ATXN7L1: variants seen among roughly 807,000 people sequenced by gnomAD.
The protein encoded by ATXN7L1 is ataxin-7-like protein 1.
ATXN7L1 carries 15 observed loss-of-function variants against 70.8 expected under a neutral mutation model. The ratio of observed to expected loss-of-function variants is 0.21; its 90% CI spans 0.14 to 0.33. The LOEUF (loss-of-function observed/expected upper bound fraction) is 0.33. ATXN7L1 is among the 10% of genes least tolerant of loss of function. ATXN7L1 has a pLI of 1.00. For synonymous variants in ATXN7L1, 440 were observed against 445.1 expected (o/e 0.99, Z 0.14); for missense variants, 975 against 1,097.1 (o/e 0.89, Z 1.57).
intron 3 of ATXN7L1, among the ~76,000 whole-genome samples, chr7:105,667,022 C>T (rs1802711206): frequency 6.6e-6 from 1 of 152,240 alleles, no homozygotes; most frequent in Admixed American, 6.5e-5. Flanking sequence ...ATACTTACAC[C>T]TGTTCCTTCC....
At chr7:105,841,195 C>G (rs1813158803) in intron 2 of ATXN7L1, among the ~76,000 whole-genome samples, 1 of 152,196 alleles carries the variant, frequency 6.6e-6, no homozygotes, top group African/African-American at 2.4e-5. Context: ...GGGTCAGGCA[C>G]TCCTAGAAGG....
rs683677 is a variant in ATXN7L1, at chr7:105,754,534, C to T, written c.355+34070G>A. Among the ~76,000 whole-genome samples the T allele has an allele frequency of 9.2e-3, 1,396 of 152,222 alleles. 30 individuals are homozygous for T. Among genetic ancestry groups the T allele is most frequent in the African/African-American group, 0.031 (1,283 of 41,520 alleles). On this transcript the variant is annotated intron_variant, in intron 3 of 11. Coordinates refer to ENST00000419735, the MANE Select transcript of ATXN7L1 (RefSeq NM_020725.2). ...GTGAGCGTAGCTGCCTTCCATAGCTCATCGCAGTCTCAAATTCCTGGGCTC... is the reference window on the plus strand; with the variant it reads ...GTGAGCGTAGCTGCCTTCCATAGCTTATCGCAGTCTCAAATTCCTGGGCTC...
intron 8 of ATXN7L1, among the ~76,000 whole-genome samples, chr7:105,622,283 G>GACAAAT: frequency 6.6e-6 from 1 of 152,338 alleles, no homozygotes; most frequent in Non-Finnish European, 1.5e-5. Flanking sequence ...GTTGTCATCT[G>GACAAAT]GACAAATGTC....
intron 7 of ATXN7L1, 143 bp downstream of exon 7, chr7:105,638,210 C>T (rs1797667579): frequency 4.2e-6 from 5 of 1,180,162 alleles, no homozygotes; most frequent in Non-Finnish European, 5.8e-6. Context: ...TGTACATTAT[C>T]TCATTTAAAC....
chr7:105,648,480 G>C (rs1799392641), intron 4 of ATXN7L1, among the ~76,000 whole-genome samples: 1 of 152,222 alleles, frequency 6.6e-6, no homozygotes, highest in Non-Finnish European at 1.5e-5. Context: ...GTCCTGAACT[G>C]AGAAAGCAAA....
intron 3 of ATXN7L1, among the ~76,000 whole-genome samples, chr7:105,684,830 T>C (rs1805962096): frequency 6.6e-6 from 1 of 152,218 alleles, no homozygotes; most frequent in Admixed American, 6.5e-5. Flanking sequence ...TCTTGAGATA[T>C]GGTTGTACCG....
intron 3 of ATXN7L1, among the ~76,000 whole-genome samples, chr7:105,742,327 C>A (rs999140268): frequency 3.9e-5 from 6 of 152,214 alleles, no homozygotes; most frequent in African/African-American, 1.4e-4. Context: ...TGCATCGGAG[C>A]AATAACCAGT....
At chr7:105,803,423 G>A (rs1807109115) in intron 2 of ATXN7L1, among the ~76,000 whole-genome samples, 1 of 152,224 alleles carries the variant, frequency 6.6e-6, no homozygotes, top group Admixed American at 6.5e-5. Flanking sequence ...CTAGTGGAGG[G>A]ACGGCTCCAG....
chr7:105,607,429 A>G lies in ATXN7L1; in HGVS notation c.*423T>C, dbSNP rs1792806326. On this transcript the variant is annotated 3_prime_UTR_variant, in exon 12 of 12. Coordinates refer to ENST00000419735, the MANE Select transcript of ATXN7L1 (RefSeq NM_020725.2). ...TAGGGATGGAAGGAATCGGGTGGAG[A>G]TGACAGGAAGAAAAAGGGCTCTGCC... 4 of 181,820 alleles carry G rather than the reference A, an allele frequency of 2.2e-5. 1 individual carries two copies. In the South Asian group the frequency reaches 5.2e-4, roughly 24 times the overall value. 11.3% of individuals were successfully genotyped at this position (181,820 alleles called of 1,614,324 possible). A position where few individuals can be genotyped will look rare whatever the true frequency, so the allele number is the denominator to read the frequency against.
intron 2 of ATXN7L1, among the ~76,000 whole-genome samples, chr7:105,846,577 G>A (rs1161816457): frequency 6.6e-6 from 1 of 152,170 alleles, no homozygotes; most frequent in African/African-American, 2.4e-5. Context: ...AAAAAATTAA[G>A]CATGGAGTTA....
intron 3 of ATXN7L1, among the ~76,000 whole-genome samples, chr7:105,763,266 C>T (rs180812916): frequency 1.3e-5 from 2 of 152,338 alleles, no homozygotes; most frequent in African/African-American, 4.8e-5. Flanking sequence ...TTGAGGATGT[C>T]TGGTATCCCT....
intron 3 of ATXN7L1, among the ~76,000 whole-genome samples, chr7:105,692,395 T>TTCCC: frequency 8.9e-6 from 1 of 112,052 alleles, no homozygotes; most frequent in Non-Finnish European, 1.9e-5. Context: ...CCTTCCTTCC[T>TTCCC]TCCTTCCTTC....
Position 105,605,744 on chromosome 7 carries a change from C to T in ATXN7L1, c.*2108G>A, listed in dbSNP as rs971915875. On this transcript the variant is annotated 3_prime_UTR_variant, in exon 12 of 12. Coordinates refer to ENST00000419735, the MANE Select transcript of ATXN7L1 (RefSeq NM_020725.2). ...ATAAAAAACAACAGACCTCTGAAAC[C>T]GAACAAGACAAAATTGTGCAAAAAT... 1.3e-5 allele frequency: 2 copies of T among 152,040 alleles called. No individual in the cohort carries two copies. Among genetic ancestry groups the T allele is most frequent in the South Asian group, 2.1e-4 (1 of 4,820 alleles). The allele number at this position is 152,040 out of a possible 1,614,324, so 9.4% of individuals were successfully genotyped here.
chr7:105,874,061 G>A (rs1217118865), intron 2 of ATXN7L1, among the ~76,000 whole-genome samples: 1 of 148,020 alleles, frequency 6.8e-6, no homozygotes, highest in Non-Finnish European at 1.5e-5. Context: ...GGAGGCGGAG[G>A]TTGCAGTGAG....
At position 105,671,104 on chromosome 7, in the gene ATXN7L1, CAAAAAA is replaced by C. The variant is rs71155469; in HGVS notation, c.356-5822_356-5817del. The stretch of plus-strand genomic sequence containing the variant: ...CCTGGGCGACAGCGAGACTACGTCT[CAAAAAA>C]AAAAAAAAAAAAAAAAAAAAAAATT... On this transcript the variant is annotated intron_variant, in intron 3 of 11. Transcript: ENST00000419735. Among the ~76,000 whole-genome samples the C allele has an allele frequency of 2.0e-4, 18 of 89,704 alleles. 1 individual carries two copies. In the East Asian group the frequency reaches 0.012, roughly 59 times the overall value. 58.8% of individuals were successfully genotyped at this position (89,704 alleles called of 152,430 possible).
At chr7:105,769,791 A>G (rs1801746322) in intron 3 of ATXN7L1, among the ~76,000 whole-genome samples, 1 of 151,956 alleles carries the variant, frequency 6.6e-6, no homozygotes, top group Non-Finnish European at 1.5e-5. Context: ...ATTTTCTTTT[A>G]CCTTTTTGTC....
chr7:105,639,425 G>C, intron 6 of ATXN7L1, 62 bp downstream of exon 6: 1 of 1,329,280 alleles, frequency 7.5e-7, no homozygotes, highest in Non-Finnish European at 1.1e-6. Context: ...AGAGTGGCAT[G>C]CAAACATTTC....
chr7:105,720,556 C>T (rs1377722442), intron 3 of ATXN7L1, among the ~76,000 whole-genome samples: 2 of 151,986 alleles, frequency 1.3e-5, no homozygotes, highest in African/African-American at 4.8e-5. Context: ...GTAGTTGGGA[C>T]TACAGGCATG....
At chr7:105,842,990 A>C (rs2116613618) in intron 2 of ATXN7L1, among the ~76,000 whole-genome samples, 1 of 152,234 alleles carries the variant, frequency 6.6e-6, no homozygotes, top group South Asian at 2.1e-4. Flanking sequence ...TGTACAGTAC[A>C]TCTTTAGGTT....
Sources: gnomAD v4.1 joint callset for allele counts (sites outside exome capture counted in the v4.1 genomes callset) on GRCh38, gnomAD v4.1.1 for gene constraint, MANE v1.5 for transcripts, NCBI Gene and HGNC (gene_info 2026-07-23, HGNC 2026-07-21) for gene names.